Variants in RALGAPA2 observed in about 807,000 individuals in gnomAD.
RALGAPA2 encodes the protein ral GTPase-activating protein subunit alpha-2.
A neutral mutation model predicts 230.4 loss-of-function variants in RALGAPA2; 139 were observed. That is an observed-to-expected ratio of 0.60 (90% CI 0.53 to 0.69). The LOEUF (loss-of-function observed/expected upper bound fraction) is 0.69, where lower values mean the gene tolerates loss of function less well. Among genes scored for constraint, RALGAPA2 ranks in the 30% least tolerant of loss-of-function variants. RALGAPA2 has a pLI of 0.00. For missense variants in RALGAPA2, 2,163 were observed against 2,276.0 expected (o/e 0.95, Z 1.01); for synonymous variants, 847 against 837.8 (o/e 1.01, Z -0.19).
At chr20:20,501,440 G>A (rs1056379344) in intron 35 of RALGAPA2, among the ~76,000 whole-genome samples, 13 of 152,084 alleles carry the variant, frequency 8.5e-5, no homozygotes, top group African/African-American at 3.1e-4. Context: ...AACCAACCTC[G>A]GCAAGCTTCA....
At chr20:20,684,350 C>T (rs2068628673) in intron 1 of RALGAPA2, among the ~76,000 whole-genome samples, 1 of 152,154 alleles carries the variant, frequency 6.6e-6, no homozygotes, top group Non-Finnish European at 1.5e-5. Context: ...CAACAAGTCC[C>T]CATCTTTCCC....
At chr20:20,598,378 G>A (rs549593441) in intron 16 of RALGAPA2, among the ~76,000 whole-genome samples, 12 of 152,232 alleles carry the variant, frequency 7.9e-5, no homozygotes, top group Admixed American at 6.5e-4. Flanking sequence ...GCACTGTATA[G>A]AAGACACACT....
chr20:20,533,035 CA>C lies in RALGAPA2; in HGVS notation c.3474-1241del, dbSNP rs571940872. The stretch of plus-strand genomic sequence containing the variant: ...TAATAAATAGAATGGAAAAAAAATC[CA>C]AAAAAAAAAGAAGAAAGAAAGAAAG... On this transcript the variant is annotated intron_variant, in intron 26 of 39. Transcript: ENST00000202677. Among the ~76,000 whole-genome samples the C allele has an allele frequency of 7.8e-3, 991 of 126,946 alleles. 9 individuals carry two copies. The highest frequency in any genetic ancestry group is 0.017 in the Middle Eastern group (4 of 236). The allele number at this position is 126,946 out of a possible 152,430, so 83.3% of individuals were successfully genotyped here.
intron 3 of RALGAPA2, among the ~76,000 whole-genome samples, chr20:20,673,011 C>T (rs962762729): frequency 2.0e-5 from 3 of 151,610 alleles, no homozygotes; most frequent in Non-Finnish European, 2.9e-5. Flanking sequence ...GGTGAAAACC[C>T]GTCTCTACTA....
chr20:20,571,447 T>A lies in RALGAPA2; in HGVS notation c.3156+11A>T. The A allele has an allele frequency of 6.2e-7, 1 of 1,601,782 alleles. No homozygotes were observed. The highest frequency in any genetic ancestry group is 8.5e-7 in the Non-Finnish European group (1 of 1,173,438). ...TTAATGGGCAATCACAATAAAGGAG[T>A]CGCAGAATACCTGATCCTCGCTGGT... On this transcript the variant is annotated intron_variant, in intron 23 of 39. Coordinates refer to ENST00000202677, the MANE Select transcript of RALGAPA2 (RefSeq NM_020343.4).
intron 26 of RALGAPA2, among the ~76,000 whole-genome samples, chr20:20,534,039 A>C (rs1418979647): frequency 1.3e-5 from 2 of 152,228 alleles, no homozygotes; most frequent in Non-Finnish European, 2.9e-5. Context: ...GTCTTTGAAA[A>C]GACTAATAAA....
At chr20:20,404,418 G>A (rs1341326480) in intron 38 of RALGAPA2, among the ~76,000 whole-genome samples, 1 of 152,114 alleles carries the variant, frequency 6.6e-6, no homozygotes, top group African/African-American at 2.4e-5. Context: ...AATAAGAGAG[G>A]TTCCATTTGG....
At chr20:20,629,320 AACACACAC>A (rs11467035) in intron 10 of RALGAPA2, 35 bp downstream of exon 10, 33,057 of 1,107,546 alleles carry the variant, frequency 0.03, 370 homozygotes, top group East Asian at 0.13. Flanking sequence ...AAGAACTTGT[AACACACAC>A]ACACACACAC....
chr20:20,674,310 AG>A (rs1405538330), intron 3 of RALGAPA2, among the ~76,000 whole-genome samples: 1 of 151,972 alleles, frequency 6.6e-6, no homozygotes, highest in Non-Finnish European at 1.5e-5. Flanking sequence ...AGTTTTTTCA[AG>A]AAAAAATTTA....
At chr20:20,458,847 T>C (rs1278223647) in intron 37 of RALGAPA2, among the ~76,000 whole-genome samples, 1 of 141,872 alleles carries the variant, frequency 7.0e-6, no homozygotes, top group African/African-American at 2.7e-5. Flanking sequence ...GACCTATATA[T>C]ATATAGACCT....
At chr20:20,697,221 T>C (rs992389849) in intron 1 of RALGAPA2, among the ~76,000 whole-genome samples, 5 of 152,080 alleles carry the variant, frequency 3.3e-5, no homozygotes, top group Non-Finnish European at 7.4e-5. Context: ...TTTACTTCCA[T>C]CAAACTAGAA....
intron 33 of RALGAPA2, among the ~76,000 whole-genome samples, chr20:20,507,795 C>T (rs1300270689): frequency 6.6e-6 from 1 of 152,162 alleles, no homozygotes; most frequent in Admixed American, 6.5e-5. Flanking sequence ...CTAGCCTATT[C>T]CAAGAGCTAT....
intron 31 of RALGAPA2, among the ~76,000 whole-genome samples, chr20:20,519,291 ATGAC>A (rs374698991): frequency 1.6e-3 from 239 of 152,312 alleles, no homozygotes; most frequent in African/African-American, 5.5e-3. Flanking sequence ...GCCCTTGCTC[ATGAC>A]TGTCACCCCC....
intron 23 of RALGAPA2, among the ~76,000 whole-genome samples, chr20:20,571,037 T>C (rs2064614548): frequency 6.6e-6 from 1 of 152,236 alleles, no homozygotes; most frequent in Non-Finnish European, 1.5e-5. Flanking sequence ...TCATCTTCTA[T>C]CTTACAGGTA....
chr20:20,560,999 TC>T (rs1237857040), intron 23 of RALGAPA2, among the ~76,000 whole-genome samples: 1 of 152,204 alleles, frequency 6.6e-6, no homozygotes, highest in Non-Finnish European at 1.5e-5. Flanking sequence ...AGGCTATGTA[TC>T]TGTTCACCAA....
In RALGAPA2 at chr20:20,513,202, G is replaced by A. The variant is rs368401384; in HGVS notation, c.4167C>T (p.Tyr1389=). Residue 1389 remains tyrosine, a synonymous_variant, in exon 32 of 40, where the codon TAC becomes TAT. Coordinates refer to ENST00000202677, the MANE Select transcript of RALGAPA2 (RefSeq NM_020343.4). ...GTATGGCAGGGCCCCCACTGAGGGG[G>A]TAGTGCCCCAGGTGGTTCACCAGGT... is the stretch of plus-strand genomic sequence containing the variant. The part of the protein sequence containing the change: ...MAHLVNHLGH[Y]PLSGGPAILH... 149 of 1,523,614 alleles carry A rather than the reference G, an allele frequency of 9.8e-5. No homozygotes were observed. The highest frequency in any genetic ancestry group is 1.3e-4 in the Non-Finnish European group (144 of 1,139,186). The allele number at this position is 1,523,614 out of a possible 1,614,324, so 94.4% of individuals were successfully genotyped here.
intron 6 of RALGAPA2, 119 bp downstream of exon 6, chr20:20,640,582 G>T: frequency 1.0e-6 from 1 of 952,422 alleles, no homozygotes; most frequent in Non-Finnish European, 1.6e-6. Context: ...AATATGAAAG[G>T]GGAATAATTC....
chr20:20,444,475 C>T (rs545223343), intron 37 of RALGAPA2, among the ~76,000 whole-genome samples: 1 of 152,094 alleles, frequency 6.6e-6, no homozygotes, highest in East Asian at 1.9e-4. Context: ...CACACACACA[C>T]AGTACACAGA....
At chr20:20,619,465 T>C in intron 11 of RALGAPA2, 51 bp from the exon 12 acceptor site, 2 of 1,361,872 alleles carry the variant, frequency 1.5e-6, no homozygotes, top group South Asian at 2.1e-5. Flanking sequence ...CGTGTTTAAC[T>C]TGCATTTAAC....
Sources: gnomAD v4.1 joint callset for allele counts (sites outside exome capture counted in the v4.1 genomes callset) on GRCh38, gnomAD v4.1.1 for gene constraint, MANE v1.5 for transcripts, NCBI Gene and HGNC (gene_info 2026-07-23, HGNC 2026-07-21) for gene names.